Variants in C5orf47 observed in about 807,000 individuals in gnomAD.
C5orf47 encodes uncharacterized protein C5orf47.
Under a neutral mutation model 20.6 loss-of-function variants are expected in C5orf47, and 20 were observed. That is an observed-to-expected ratio of 0.97 (90% CI 0.68 to 1.41). The LOEUF is 1.41. Ranked by LOEUF, C5orf47 falls within the 40% of genes most tolerant of loss-of-function variation. The pLI is 0.00. For missense variants in C5orf47, 262 were observed against 238.4 expected (o/e 1.10, Z -0.65); for synonymous variants, 106 against 97.3 (o/e 1.09, Z -0.53).
At chr5:173,998,635 A>C (rs1759141613) in intron 2 of C5orf47, among the ~76,000 whole-genome samples, 1 of 152,202 alleles carries the variant, frequency 6.6e-6, no homozygotes, top group Admixed American at 6.5e-5. Context: ...AGGAATATGT[A>C]ATAGGTTTCT....
intron 4 of C5orf47, among the ~76,000 whole-genome samples, chr5:174,002,622 C>G (rs929556155): frequency 1.3e-5 from 2 of 152,086 alleles, no homozygotes; most frequent in Admixed American, 6.5e-5. Context: ...GTAAATACTT[C>G]AGTGTATATA....
chr5:173,989,609 G>GGGGCAGGGCA, intron 1 of C5orf47, 21 bp downstream of exon 1: 1 of 1,402,604 alleles, frequency 7.1e-7, no homozygotes, highest in Non-Finnish European at 9.2e-7. Context: ...GGGGCAGGGC[G>GGGGCAGGGCA]GGACCGGGCG....
At position 173,999,812 on chromosome 5, in the gene C5orf47, A is replaced by G. The variant is rs1298323062; in HGVS notation, c.511+13A>G. 6 of 1,389,822 alleles carry G rather than the reference A, an allele frequency of 4.3e-6. No individual in the cohort carries two copies. The highest frequency in any genetic ancestry group is 5.0e-6 in the Non-Finnish European group (5 of 1,009,432). 86.1% of individuals were successfully genotyped at this position (1,389,822 alleles called of 1,614,324 possible). On this transcript the variant is annotated intron_variant, in intron 3 of 4. Coordinates refer to ENST00000340147, the MANE Select transcript of C5orf47 (RefSeq NM_001144954.2). Reference sequence around the variant, plus strand: ...TTATCTAGTGAAAGTAAGTTAACACAATTTTTATTGTATTAAAAAGACTGG... The same window carrying G: ...TTATCTAGTGAAAGTAAGTTAACACGATTTTTATTGTATTAAAAAGACTGG...
At chr5:174,006,529 C>T (rs527496776), downstream of C5orf47, among the ~76,000 whole-genome samples, 1 of 152,218 alleles carries the variant, frequency 6.6e-6, no homozygotes, top group South Asian at 2.1e-4. Flanking sequence ...TAATTAAATT[C>T]AGGGTATTTT....
intron 4 of C5orf47, among the ~76,000 whole-genome samples, chr5:174,003,039 T>C (rs1327220249): frequency 2.6e-5 from 4 of 152,336 alleles, no homozygotes; most frequent in Non-Finnish European, 4.4e-5. Context: ...TCTTGAGTTA[T>C]GTGATCTTCA....
intron 4 of C5orf47, among the ~76,000 whole-genome samples, chr5:174,003,210 G>T (rs1759229889): frequency 6.6e-6 from 1 of 152,102 alleles, no homozygotes; most frequent in Non-Finnish European, 1.5e-5. Context: ...TAAAGCAGTG[G>T]AGCTATCAGA....
In C5orf47 at chr5:173,998,083, A is replaced by G. The variant is rs927122171; in HGVS notation, c.326-70A>G. ...CCCAAGGAGACCTCAAGAAACATTT[A>G]TATGGTCTCTATTTTCAGATAGTAA... On this transcript the variant is annotated intron_variant, in intron 1 of 4. Transcript: ENST00000340147. 4.4e-6 allele frequency: 4 copies of G among 905,322 alleles called. No individual in the cohort carries two copies. The African/African-American group carries it at 6.8e-5, about 15-fold the overall frequency. 56.1% of individuals were successfully genotyped at this position (905,322 alleles called of 1,614,324 possible). A position where few individuals can be genotyped will look rare whatever the true frequency, so the allele number is the denominator to read the frequency against.
rs1285391617 is a variant in C5orf47 at position 173,998,154 on chromosome 5, T to C, written c.327T>C (p.Gly109=). 2 of 1,521,364 alleles carry C rather than the reference T, an allele frequency of 1.3e-6. No individual in the cohort carries two copies. Among genetic ancestry groups the C allele is most frequent in the African/African-American group, 2.8e-5 (2 of 71,824 alleles). The allele number at this position is 1,521,364 out of a possible 1,614,324, so 94.2% of individuals were successfully genotyped here. Residue 109 remains glycine (G), a splice_region_variant and synonymous_variant, in exon 2 of 5, where the codon GGT becomes GGC. Transcript: ENST00000340147. Reference sequence around the variant, plus strand: ...TTTCACTTTCTTCTTAAAAATTAGGTTTAATCCAGAAGGATGCAGCTAAAA... The same window carrying C: ...TTTCACTTTCTTCTTAAAAATTAGGCTTAATCCAGAAGGATGCAGCTAAAA... The part of the protein sequence containing the change: ...QSGTRQSARA[G]LIQKDAAKKY...
chr5:173,994,686 C>T (rs572878353), intron 1 of C5orf47, among the ~76,000 whole-genome samples: 8 of 152,292 alleles, frequency 5.3e-5, no homozygotes, highest in East Asian at 1.9e-4. Flanking sequence ...TTAGTGACCA[C>T]GCTGCTGTGC....
chr5:173,999,716 G>C lies in C5orf47; in HGVS notation c.428G>C (p.Arg143Thr). The C allele has an allele frequency of 1.3e-6, 2 of 1,484,944 alleles. No individual in the cohort carries two copies. The highest frequency in any genetic ancestry group is 1.2e-5 in the South Asian group (1 of 80,134). 92.0% of individuals were successfully genotyped at this position (1,484,944 alleles called of 1,614,324 possible). Residue 143 changes from arginine (R) to threonine (T), a missense_variant, in exon 3 of 5, where the codon AGA becomes ACA. By Grantham distance (71) the Arg-to-Thr change is moderately conservative. Transcript: ENST00000340147. The part of the protein sequence containing the change: ...KKKKKVLVWN[R>T]VYKVISRMLE... ...CTTTTTAAGGTTTTAGTATGGAATAGAGTATACAAAGTCATTTCAAGAATG... is the reference window on the plus strand; with the variant it reads ...CTTTTTAAGGTTTTAGTATGGAATACAGTATACAAAGTCATTTCAAGAATG...
intron 4 of C5orf47, among the ~76,000 whole-genome samples, chr5:174,003,445 AAG>A (rs1481701547): frequency 2.0e-5 from 3 of 152,178 alleles, no homozygotes; most frequent in African/African-American, 7.2e-5. Context: ...AGTCAGGAGA[AAG>A]GACTCATTTT....
chr5:174,006,672 G>A (rs1273698703), downstream of C5orf47, among the ~76,000 whole-genome samples: 1 of 152,178 alleles, frequency 6.6e-6, no homozygotes, highest in Non-Finnish European at 1.5e-5. Context: ...TGGGAGTCGG[G>A]TGGCTGGACA....
chr5:174,005,583 A>G lies in C5orf47; in HGVS notation c.*1329A>G, dbSNP rs967628324. On this transcript the variant is annotated 3_prime_UTR_variant, in exon 5 of 5. Coordinates refer to ENST00000340147, the MANE Select transcript of C5orf47 (RefSeq NM_001144954.2). Reference sequence around the variant, plus strand: ...ATTGAGGGTCACACAACTTCTTTATATTATGCTGGGTAAATTTCAGGCTGC... The same window carrying G: ...ATTGAGGGTCACACAACTTCTTTATGTTATGCTGGGTAAATTTCAGGCTGC... 2 of 152,238 alleles carry G rather than the reference A, an allele frequency of 1.3e-5. No individual in the cohort carries two copies. Among genetic ancestry groups the G allele is most frequent in the African/African-American group, 4.8e-5 (2 of 41,428 alleles). 9.4% of individuals were successfully genotyped at this position (152,238 alleles called of 1,614,324 possible).
intron 1 of C5orf47, among the ~76,000 whole-genome samples, chr5:173,992,695 T>C (rs1011183316): frequency 6.6e-6 from 1 of 152,242 alleles, no homozygotes; most frequent in African/African-American, 2.4e-5. Flanking sequence ...TTCTGTAATT[T>C]TTAACTCTTT....
rs1301552093 is a variant in C5orf47, at chr5:174,004,847, T to C, written c.*593T>C. ...TGTATGCATTTATAATATGGATATA[T>C]TATAATGGACTATATTATAATATGG... On this transcript the variant is annotated 3_prime_UTR_variant, in exon 5 of 5. Transcript: ENST00000340147. 1 of 152,150 alleles carries C rather than the reference T, an allele frequency of 6.6e-6. No individual in the cohort carries two copies. Among genetic ancestry groups the C allele is most frequent in the African/African-American group, 2.4e-5 (1 of 41,450 alleles). 9.4% of individuals were successfully genotyped at this position (152,150 alleles called of 1,614,324 possible). A position where few individuals can be genotyped will look rare whatever the true frequency, so the allele number is the denominator to read the frequency against.
downstream of C5orf47, among the ~76,000 whole-genome samples, chr5:174,007,099 C>G (rs1342772360): frequency 1.3e-5 from 2 of 152,074 alleles, no homozygotes; most frequent in Admixed American, 6.6e-5. Context: ...ATAGCCATCT[C>G]CCCAGGCCCT....
chr5:174,009,140 C>T (rs540145885), downstream of C5orf47, among the ~76,000 whole-genome samples: 1 of 152,158 alleles, frequency 6.6e-6, no homozygotes, highest in African/African-American at 2.4e-5. Context: ...CCTCCAGTGT[C>T]CTAGAGGTTG....
chr5:173,995,865 T>G (rs1759079623), intron 1 of C5orf47, among the ~76,000 whole-genome samples: 1 of 152,246 alleles, frequency 6.6e-6, no homozygotes, highest in Non-Finnish European at 1.5e-5. Flanking sequence ...GGTGCACTTC[T>G]GGAAGATAAA....
In C5orf47 at chr5:173,989,394, G is replaced by A. The variant is rs1394871345; in HGVS notation, c.131G>A (p.Gly44Glu). The A allele has an allele frequency of 2.6e-6, 4 of 1,543,414 alleles. No homozygotes were observed. The highest frequency in any genetic ancestry group is 3.5e-6 in the Non-Finnish European group (4 of 1,143,028). The change falls in exon 1 of 5, where the codon GGG becomes GAG. Residue 44 changes from glycine (G) to glutamate (E), a missense_variant. Transcript: ENST00000340147. ...GRGAQGLWGQ[G>E]PGAGCRQEKP... ...GGAGCTCAAGGCCTTTGGGGTCAGG[G>A]GCCTGGGGCAGGCTGTCGCCAGGAG...
Sources: allele counts gnomAD v4.1 joint callset (sites outside exome capture counted in the v4.1 genomes callset), GRCh38; gene constraint gnomAD v4.1.1; transcripts MANE v1.5; gene names NCBI Gene and HGNC (gene_info 2026-07-23, HGNC 2026-07-21).